ZFYVE9: variants seen among roughly 807,000 people sequenced by gnomAD.
The protein encoded by ZFYVE9 is zinc finger FYVE-type containing 9.
In ZFYVE9, 43 loss-of-function variants were observed where a neutral mutation model predicts 126.7. The ratio of observed to expected loss-of-function variants is 0.34; its 90% CI spans 0.27 to 0.44. The LOEUF (loss-of-function observed/expected upper bound fraction) is 0.44, where lower values mean the gene tolerates loss of function less well. ZFYVE9 is among the 20% of genes least tolerant of loss of function. The probability of loss-of-function intolerance (pLI) is 1.00; values close to 1 mark genes in which losing one functional copy is unlikely to be tolerated. For synonymous variants in ZFYVE9, 521 were observed against 597.4 expected, an observed-to-expected ratio of 0.87 and a Z score of 1.87; for missense variants, 1,476 against 1,697.0, an observed-to-expected ratio of 0.87 and a Z score of 2.29.
intron 2 of ZFYVE9, among the ~76,000 whole-genome samples, chr1:52,222,906 A>C (rs1353795455): frequency 6.6e-6 from 1 of 152,184 alleles, no homozygotes; most frequent in East Asian, 1.9e-4. Context: ...ATTAATAAGA[A>C]CTTAGTAGTG....
intron 15 of ZFYVE9, chr1:52,335,334 G>GC (rs1646378809): frequency 6.5e-6 from 1 of 152,818 alleles, no homozygotes; most frequent in East Asian, 1.9e-4. Context: ...TCTTGACAGG[G>GC]CAATGCAGGG....
At chr1:52,335,298 T>G (rs188153887) in intron 15 of ZFYVE9, 1 of 153,620 alleles carries the variant, frequency 6.5e-6, no homozygotes, top group Non-Finnish European at 1.5e-5. Flanking sequence ...CATTTTATCA[T>G]GCTTGCTTAT....
At chr1:52,203,634 C>T (rs978568933) in intron 1 of ZFYVE9, among the ~76,000 whole-genome samples, 1 of 151,334 alleles carries the variant, frequency 6.6e-6, no homozygotes, top group Non-Finnish European at 1.5e-5. Context: ...GGGAAATTTT[C>T]AGTCATTTTA....
At chr1:52,215,284 C>G (rs1185816683) in intron 1 of ZFYVE9, among the ~76,000 whole-genome samples, 1 of 152,022 alleles carries the variant, frequency 6.6e-6, no homozygotes, top group African/African-American at 2.4e-5. Flanking sequence ...AAATCTGTTT[C>G]TTAGTGTCAG....
At chr1:52,168,184 A>T (rs899287343) in intron 1 of ZFYVE9, among the ~76,000 whole-genome samples, 1 of 148,396 alleles carries the variant, frequency 6.7e-6, no homozygotes, top group Non-Finnish European at 1.5e-5. Flanking sequence ...TACAGATTAG[A>T]TTCCTCCTCC....
At chr1:52,323,861 G>A (rs1014237863) in intron 13 of ZFYVE9, among the ~76,000 whole-genome samples, 7 of 140,668 alleles carry the variant, frequency 5.0e-5, no homozygotes, top group Non-Finnish European at 1.1e-4. Context: ...CAACCACCCT[G>A]ACTAACGTGG....
chr1:52,261,661 T>G (rs1434783424), intron 4 of ZFYVE9, among the ~76,000 whole-genome samples: 1 of 152,216 alleles, frequency 6.6e-6, no homozygotes, highest in Non-Finnish European at 1.5e-5. Flanking sequence ...GAAAGTTCAG[T>G]CTTTGTTTGG....
At chr1:52,216,882 A>G (rs12405232) in intron 2 of ZFYVE9, among the ~76,000 whole-genome samples, 10,084 of 152,262 alleles carry the variant, frequency 0.066, 379 homozygotes, top group African/African-American at 0.1. Context: ...TAGGTAAGTT[A>G]TTATGTAGAG....
At chr1:52,222,921 A>C (rs1357607612) in intron 2 of ZFYVE9, among the ~76,000 whole-genome samples, 1 of 152,138 alleles carries the variant, frequency 6.6e-6, no homozygotes, top group Non-Finnish European at 1.5e-5. Flanking sequence ...GTAGTGGCCG[A>C]CTTATTCTTA....
At chr1:52,235,649 C>G (rs2124625631) in intron 3 of ZFYVE9, among the ~76,000 whole-genome samples, 1 of 152,212 alleles carries the variant, frequency 6.6e-6, no homozygotes. Flanking sequence ...TACACTAATT[C>G]TTTTCTCAAC....
intron 4 of ZFYVE9, among the ~76,000 whole-genome samples, chr1:52,256,320 G>GC (rs2147789406): frequency 6.6e-6 from 1 of 151,768 alleles, no homozygotes; most frequent in South Asian, 2.1e-4. Context: ...GTCCACATCA[G>GC]CCTCCCAAAG....
rs758372441 is a variant in ZFYVE9 at position 52,268,532 on chromosome 1, A to G, written c.2525A>G (p.Asp842Gly). Residue 842 changes from aspartate (D) to glycine (G), a missense_variant, in exon 7 of 19, where the codon GAT (aspartate) becomes GGT (glycine). Asp to Gly is a moderately conservative substitution (Grantham distance 94, BLOSUM62 -1). This residue lies in a region of ZFYVE9 where 669 missense variants were observed against 902.4 expected (regional missense o/e 0.74). Transcript: ENST00000287727. ...DGILPNGEVADAAKLTMNGTS... is the reference protein window; with the variant it reads ...DGILPNGEVAGAAKLTMNGTS... ...ATCTTGCCCAATGGAGAAGTTGCTGATGCAGCCAAATTAACAATGAATGGA... is the reference window on the plus strand; with the variant it reads ...ATCTTGCCCAATGGAGAAGTTGCTGGTGCAGCCAAATTAACAATGAATGGA... 4 of 1,614,048 alleles carry G rather than the reference A, an allele frequency of 2.5e-6. No homozygotes were observed. In the South Asian group the frequency reaches 4.4e-5, roughly 18 times the overall value.
chr1:52,167,286 T>G (rs1194930016), intron 1 of ZFYVE9, among the ~76,000 whole-genome samples: 1 of 152,174 alleles, frequency 6.6e-6, no homozygotes, highest in African/African-American at 2.4e-5. Context: ...AGGTACTTCC[T>G]TGACCCCATC....
intron 1 of ZFYVE9, among the ~76,000 whole-genome samples, chr1:52,147,233 A>G (rs76138818): frequency 0.019 from 2,818 of 152,294 alleles, 108 homozygotes; most frequent in African/African-American, 0.065. Context: ...AAATTAATTA[A>G]TACTTATATT....
intron 1 of ZFYVE9, among the ~76,000 whole-genome samples, chr1:52,182,612 C>G (rs1461218670): frequency 6.6e-6 from 1 of 151,784 alleles, no homozygotes; most frequent in Non-Finnish European, 1.5e-5. Flanking sequence ...ACAAACACTG[C>G]GGAAGGCTGC....
chr1:52,269,328 C>T (rs1050388485), intron 7 of ZFYVE9, among the ~76,000 whole-genome samples: 49 of 151,960 alleles, frequency 3.2e-4, no homozygotes, highest in African/African-American at 9.7e-4. Context: ...CAGGGTTTCA[C>T]CATGTTGCCC....
At chr1:52,210,737 CTCCACCTCCTGGGTT>C (rs1645021156) in intron 1 of ZFYVE9, among the ~76,000 whole-genome samples, 1 of 152,156 alleles carries the variant, frequency 6.6e-6, no homozygotes, top group Non-Finnish European at 1.5e-5. Context: ...TCACTGCAAC[CTCCACCTCCTGGGTT>C]CAGGAGATTC....
At chr1:52,242,581 G>A (rs572267119) in intron 4 of ZFYVE9, among the ~76,000 whole-genome samples, 11 of 151,744 alleles carry the variant, frequency 7.2e-5, no homozygotes, top group African/African-American at 2.7e-4. Context: ...ATCTTTAGAT[G>A]ATGGTATCAA....
chr1:52,221,630 C>T (rs984278159), intron 2 of ZFYVE9, among the ~76,000 whole-genome samples: 6 of 152,134 alleles, frequency 3.9e-5, no homozygotes, highest in African/African-American at 9.7e-5. Flanking sequence ...TGGACACATT[C>T]GGGCCATCCA....
Sources: allele counts gnomAD v4.1 joint callset (sites outside exome capture counted in the v4.1 genomes callset), GRCh38; gene constraint gnomAD v4.1.1; regional missense constraint gnomAD v4.1.1; transcripts MANE v1.5; gene names NCBI Gene and HGNC (gene_info 2026-07-23, HGNC 2026-07-21).